Variants in OR51E2 observed in about 807,000 individuals in gnomAD.
OR51E2 encodes the protein olfactory receptor 51E2.
In OR51E2, 14 loss-of-function variants were observed where a neutral mutation model predicts 13.7. The observed-to-expected ratio is 1.02, with a 90% CI of 0.68 to 1.60. OR51E2 has a LOEUF of 1.60. OR51E2 is among the 40% of genes most tolerant of loss of function. The pLI is 0.00. For missense variants in OR51E2, 483 were observed against 413.8 expected (o/e 1.17, Z -1.45); for synonymous variants, 180 against 157.6 (o/e 1.14, Z -1.07).
At chr11:4,686,059 A>C (rs894834028) in intron 1 of OR51E2, among the ~76,000 whole-genome samples, 2 of 152,210 alleles carry the variant, frequency 1.3e-5, no homozygotes, top group African/African-American at 4.8e-5. Flanking sequence ...GGAGTTAATT[A>C]ATTCATTCAT....
chr11:4,690,569 C>T (rs1432321803), intron 1 of OR51E2: 3 of 256,668 alleles, frequency 1.2e-5, no homozygotes, highest in Non-Finnish European at 2.3e-5. Context: ...CATGTCTTCA[C>T]CTCCTCATCT....
At position 4,696,050 on chromosome 11, in the gene OR51E2, C is replaced by T. The variant is rs61885992; in HGVS notation, c.-51+1603G>A. Among the ~76,000 whole-genome samples, 397 of 152,074 alleles carry T rather than the reference C, an allele frequency of 2.6e-3. 2 individuals carry two copies. The highest frequency in any genetic ancestry group is 4.6e-3 in the South Asian group (22 of 4,812). On this transcript the variant is annotated intron_variant, in intron 1 of 1. Coordinates refer to ENST00000396950, the MANE Select transcript of OR51E2 (RefSeq NM_030774.4). Reference sequence around the variant, plus strand: ...CTGTGGCAAAGTTTCTGGTTTTAAGCGTAAAGGTAGTAATGAGACATGAAA... The same window carrying T: ...CTGTGGCAAAGTTTCTGGTTTTAAGTGTAAAGGTAGTAATGAGACATGAAA...
At chr11:4,696,676 C>T (rs1288435751) in intron 1 of OR51E2, among the ~76,000 whole-genome samples, 1 of 152,170 alleles carries the variant, frequency 6.6e-6, no homozygotes, top group African/African-American at 2.4e-5. Flanking sequence ...TCCGACCCAT[C>T]CTCTCCAATC....
At chr11:4,683,441 A>C (rs1847480942) in intron 1 of OR51E2, among the ~76,000 whole-genome samples, 1 of 152,220 alleles carries the variant, frequency 6.6e-6, no homozygotes, top group Non-Finnish European at 1.5e-5. Context: ...AAAACTAAGA[A>C]AAAAATGCCA....
At chr11:4,688,248 G>GTGT (rs988816821) in intron 1 of OR51E2, among the ~76,000 whole-genome samples, 3 of 152,118 alleles carry the variant, frequency 2.0e-5, no homozygotes, top group Non-Finnish European at 4.4e-5. Flanking sequence ...TGAGGGAGAG[G>GTGT]TGTTGTTGTT....
In OR51E2 at chr11:4,682,405, T is replaced by A. The variant is rs568675050; in HGVS notation, c.307A>T (p.Ile103Phe). ...FEACLTQMFF[I>F]HALSAIESTI... ...GATTCAATGGCTGAGAGGGCATGAA[T>A]AAAGAACATCTGGGTAAGACAGGCC... The change falls in exon 2 of 2, where the codon ATT (isoleucine) becomes TTT (phenylalanine). Residue 103 changes from isoleucine (I) to phenylalanine (F), a missense_variant. Transcript: ENST00000396950. 2 of 1,614,062 alleles carry A rather than the reference T, an allele frequency of 1.2e-6. No individual in the cohort carries two copies. Among genetic ancestry groups the A allele is most frequent in the East Asian group, 4.5e-5 (2 of 44,850 alleles).
chr11:4,682,731 TGACTGGA>T lies in OR51E2; in HGVS notation c.-27_-21del. On this transcript the variant is annotated 5_prime_UTR_variant, in exon 2 of 2. Coordinates refer to ENST00000396950, the MANE Select transcript of OR51E2 (RefSeq NM_030774.4). ...ACTCATAGCTGGAACTGAGGAGGGG[TGACTGGA>T]GAGGGTGAGGTCACACTGGCAGTCT... The T allele has an allele frequency of 6.2e-7, 1 of 1,605,716 alleles. No homozygotes were observed.
rs1385370793 is a variant in OR51E2 at position 4,682,228 on chromosome 11, T to A, written c.484A>T (p.Ile162Phe). Residue 162 changes from isoleucine (I) to phenylalanine (F), a missense_variant, in exon 2 of 2, where the codon ATC becomes TTC. Ile to Phe is a conservative substitution (Grantham distance 21, BLOSUM62 0). Transcript: ENST00000396950. Reference protein sequence around the residue: ...SLFFFPLPLLIKRLAFCHSNV... With the variant: ...SLFFFPLPLLFKRLAFCHSNV... Reference sequence around the variant, plus strand: ...GAGTGGCAGAAGGCCAGCCGCTTGATCAGCAGAGGCAGTGGGAAAAAAAAG... The same window carrying A: ...GAGTGGCAGAAGGCCAGCCGCTTGAACAGCAGAGGCAGTGGGAAAAAAAAG... The A allele has an allele frequency of 3.7e-6, 6 of 1,613,992 alleles. No homozygotes were observed. Among genetic ancestry groups the A allele is most frequent in the Admixed American group, 1.7e-5 (1 of 60,014 alleles).
chr11:4,682,797 G>A, intron 1 of OR51E2, 36 bp from the exon 2 acceptor site: 1 of 1,462,060 alleles, frequency 6.8e-7, no homozygotes, highest in Admixed American at 2.1e-5. Flanking sequence ...AGAATGCCCT[G>A]GAAACTTGAA....
At chr11:4,693,571 A>G (rs993614103) in intron 1 of OR51E2, among the ~76,000 whole-genome samples, 1 of 152,058 alleles carries the variant, frequency 6.6e-6, no homozygotes, top group African/African-American at 2.4e-5. Context: ...AATACAAAAA[A>G]TTAGCCGGGC....
At chr11:4,687,343 T>G (rs1847528083) in intron 1 of OR51E2, among the ~76,000 whole-genome samples, 1 of 152,166 alleles carries the variant, frequency 6.6e-6, no homozygotes, top group African/African-American at 2.4e-5. Flanking sequence ...ATTTTTACTC[T>G]TACCTACATT....
At chr11:4,691,492 T>A in intron 1 of OR51E2, 1 of 456,380 alleles carries the variant, frequency 2.2e-6, no homozygotes, top group South Asian at 1.6e-5. Context: ...CCGAGGTCAG[T>A]GGCGGACAGC....
chr11:4,690,647 T>C (rs763853243), intron 1 of OR51E2: 2 of 317,310 alleles, frequency 6.3e-6, no homozygotes, highest in South Asian at 2.7e-5. Context: ...AATGATTATG[T>C]GCTTAGCTTC....
chr11:4,682,257 G>A lies in OR51E2; in HGVS notation c.455C>T (p.Ser152Phe), dbSNP rs767765213. The change falls in exon 2 of 2, where the codon TCC becomes TTC. Residue 152 changes from serine to phenylalanine, a missense_variant. Coordinates refer to ENST00000396950, the MANE Select transcript of OR51E2 (RefSeq NM_030774.4). ...QIGIVAVVRG[S>F]LFFFPLPLLI... Reference sequence around the variant, plus strand: ...CAGAGGCAGTGGGAAAAAAAAGAGGGATCCGCGGACCACAGCCACGATGCC... The same window carrying A: ...CAGAGGCAGTGGGAAAAAAAAGAGGAATCCGCGGACCACAGCCACGATGCC... The A allele has an allele frequency of 6.2e-7, 1 of 1,614,164 alleles. No homozygotes were observed. Among genetic ancestry groups the A allele is most frequent in the Admixed American group, 1.7e-5 (1 of 60,028 alleles).
At chr11:4,692,125 A>G (rs1320649809) in intron 1 of OR51E2, 1 of 448,740 alleles carries the variant, frequency 2.2e-6, no homozygotes. Flanking sequence ...CCAGAGAAAA[A>G]TACACTGGGG....
At chr11:4,697,446 A>G (rs902528659) in intron 1 of OR51E2, among the ~76,000 whole-genome samples, 1 of 152,238 alleles carries the variant, frequency 6.6e-6, no homozygotes. Context: ...AAAACAAGTT[A>G]TCTAACCTAT....
At chr11:4,687,882 A>T (rs1461088136) in intron 1 of OR51E2, among the ~76,000 whole-genome samples, 4 of 152,156 alleles carry the variant, frequency 2.6e-5, no homozygotes, top group Non-Finnish European at 4.4e-5. Context: ...GAAGGAAGGG[A>T]GTGAGAATAT....
Position 4,694,572 on chromosome 11 carries a change from A to T in OR51E2, c.-51+3081T>A, listed in dbSNP as rs531151583. On this transcript the variant is annotated intron_variant, in intron 1 of 1. Transcript: ENST00000396950. Reference sequence around the variant, plus strand: ...TATATACACACACACATACATATATATATACACACACACACACACACACAC... The same window carrying T: ...TATATACACACACACATACATATATTTATACACACACACACACACACACAC... Among the ~76,000 whole-genome samples, 16 of 120,550 alleles carry T rather than the reference A, an allele frequency of 1.3e-4. No homozygotes were observed. The South Asian group carries it at 3.9e-3, about 30-fold the overall frequency. The allele number at this position is 120,550 out of a possible 152,430, so 79.1% of individuals were successfully genotyped here. A position where few individuals can be genotyped will look rare whatever the true frequency, so the allele number is the denominator to read the frequency against.
chr11:4,691,319 G>A (rs1388043938), intron 1 of OR51E2: 1 of 457,440 alleles, frequency 2.2e-6, no homozygotes, highest in Non-Finnish European at 4.4e-6. Context: ...GGGGATTAGA[G>A]ACGGCCACAA....
Sources: gnomAD v4.1 joint callset for allele counts (sites outside exome capture counted in the v4.1 genomes callset) on GRCh38, gnomAD v4.1.1 for gene constraint, MANE v1.5 for transcripts, NCBI Gene and HGNC (gene_info 2026-07-23, HGNC 2026-07-21) for gene names.